HECW2: variants seen among roughly 807,000 people sequenced by gnomAD.
The protein encoded by HECW2 is E3 ubiquitin-protein ligase HECW2.
In HECW2, 61 loss-of-function variants were observed where a neutral mutation model predicts 175.2. The observed-to-expected ratio is 0.35, with a 90% confidence interval of 0.28 to 0.43. The LOEUF (loss-of-function observed/expected upper bound fraction) is 0.43. Ranked by LOEUF, HECW2 falls within the 20% of genes least tolerant of loss-of-function variation. The pLI is 1.00. For synonymous variants in HECW2, 671 were observed against 731.0 expected (o/e 0.92, Z 1.32); for missense variants, 1,524 against 2,000.5 (o/e 0.76, Z 4.54).
chr2:196,527,533 C>T (rs1052265865), intron 1 of HECW2, among the ~76,000 whole-genome samples: 1 of 152,210 alleles, frequency 6.6e-6, no homozygotes, highest in Non-Finnish European at 1.5e-5. Context: ...CCACTATGAA[C>T]AACATAAATG....
At chr2:196,236,894 T>C (rs1439844164) in intron 21 of HECW2, among the ~76,000 whole-genome samples, 1 of 152,240 alleles carries the variant, frequency 6.6e-6, no homozygotes, top group Admixed American at 6.5e-5. Flanking sequence ...GTGAAGTTAC[T>C]TTGTTCCCCC....
chr2:196,258,684 C>T (rs988356849), intron 17 of HECW2, among the ~76,000 whole-genome samples: 5 of 151,976 alleles, frequency 3.3e-5, no homozygotes, highest in African/African-American at 1.2e-4. Flanking sequence ...TTCCTAGTTG[C>T]TTTCTTCCCT....
At chr2:196,471,748 A>G (rs1387049652) in intron 1 of HECW2, among the ~76,000 whole-genome samples, 1 of 152,138 alleles carries the variant, frequency 6.6e-6, no homozygotes, top group Non-Finnish European at 1.5e-5. Flanking sequence ...TCTCACTTAC[A>G]AGTAGGGGCT....
chr2:196,205,618 T>C lies in HECW2; in HGVS notation c.4608-4230A>G, dbSNP rs543282079. On this transcript the variant is annotated intron_variant, in intron 28 of 28. Transcript: ENST00000644978. ...CCATCTAGCTCAATCTCAGGCTTAA[T>C]AGAAGAAGGCAAATACTCAAAAGGA... 6.6e-5 allele frequency among the ~76,000 whole-genome samples: 10 copies of C among 152,314 alleles called. No individual in the cohort carries two copies. In the East Asian group the frequency reaches 1.9e-3, roughly 29 times the overall value.
intron 2 of HECW2, among the ~76,000 whole-genome samples, chr2:196,398,160 A>T (rs147279607): frequency 1.3e-4 from 20 of 152,300 alleles, no homozygotes; most frequent in Middle Eastern, 3.4e-3. Flanking sequence ...CTGGGAAGTC[A>T]AAATGCATGC....
intron 28 of HECW2, among the ~76,000 whole-genome samples, chr2:196,203,264 G>A (rs1042213259): frequency 6.6e-6 from 1 of 152,076 alleles, no homozygotes; most frequent in Non-Finnish European, 1.5e-5. Context: ...GATACAATAA[G>A]CATTTCAGAA....
chr2:196,554,293 TC>T (rs1051096287), intron 1 of HECW2, among the ~76,000 whole-genome samples: 2 of 150,690 alleles, frequency 1.3e-5, no homozygotes, highest in Non-Finnish European at 3.0e-5. Context: ...GCCACAGCAC[TC>T]CCGCCTGGGC....
intron 2 of HECW2, among the ~76,000 whole-genome samples, chr2:196,416,350 G>C (rs1190197684): frequency 6.6e-6 from 1 of 151,560 alleles, no homozygotes; most frequent in African/African-American, 2.4e-5. Flanking sequence ...AGAGATAACA[G>C]AAAAAAAAGT....
intron 21 of HECW2, among the ~76,000 whole-genome samples, chr2:196,228,677 C>T (rs761122060): frequency 7.2e-5 from 11 of 152,180 alleles, no homozygotes; most frequent in African/African-American, 2.4e-4. Context: ...CATATGCTCA[C>T]AGGACATGGA....
At chr2:196,248,325 G>A (rs2105900275) in intron 19 of HECW2, among the ~76,000 whole-genome samples, 1 of 152,246 alleles carries the variant, frequency 6.6e-6, no homozygotes, top group East Asian at 1.9e-4. Flanking sequence ...TGAGGACAAG[G>A]GAGACTAACA....
chr2:196,482,768 TTCA>T (rs1686885200), intron 1 of HECW2, among the ~76,000 whole-genome samples: 1 of 152,116 alleles, frequency 6.6e-6, no homozygotes, highest in Admixed American at 6.5e-5. Flanking sequence ...AAATCACAAA[TTCA>T]AGAATAAAAT....
intron 26 of HECW2, among the ~76,000 whole-genome samples, chr2:196,219,106 G>C (rs1458266591): frequency 6.6e-6 from 1 of 152,126 alleles, no homozygotes; most frequent in Admixed American, 6.5e-5. Context: ...CTAGAGAACT[G>C]TTCAGCTCTC....
intron 19 of HECW2, among the ~76,000 whole-genome samples, chr2:196,242,981 C>T (rs968815153): frequency 3.3e-5 from 5 of 151,982 alleles, no homozygotes; most frequent in Non-Finnish European, 7.4e-5. Flanking sequence ...GTGTGAGCCA[C>T]CGCACCTGGC....
At chr2:196,414,151 C>T (rs901927372) in intron 2 of HECW2, among the ~76,000 whole-genome samples, 12 of 152,180 alleles carry the variant, frequency 7.9e-5, no homozygotes, top group African/African-American at 2.4e-4. Context: ...CCTCACGCCA[C>T]GTGAATATTT....
chr2:196,340,444 A>C (rs1354499448), intron 3 of HECW2, among the ~76,000 whole-genome samples: 1 of 151,964 alleles, frequency 6.6e-6, no homozygotes, highest in Non-Finnish European at 1.5e-5. Context: ...TAAAAATACA[A>C]AAATTAGCCG....
chr2:196,375,007 C>CA (rs1694010413), intron 2 of HECW2, among the ~76,000 whole-genome samples: 3 of 151,422 alleles, frequency 2.0e-5, no homozygotes, highest in African/African-American at 7.3e-5. Context: ...CTAAAAAATA[C>CA]AAAAATTAGC....
intron 1 of HECW2, among the ~76,000 whole-genome samples, chr2:196,542,613 T>G (rs1689263891): frequency 6.6e-6 from 1 of 151,976 alleles, no homozygotes; most frequent in Non-Finnish European, 1.5e-5. Flanking sequence ...CAGCCACCCA[T>G]TCCTCTCCCC....
intron 19 of HECW2, among the ~76,000 whole-genome samples, chr2:196,251,028 T>A (rs1300984759): frequency 6.6e-6 from 1 of 152,182 alleles, no homozygotes; most frequent in Non-Finnish European, 1.5e-5. Context: ...TTTTCAGATC[T>A]CATCCTTCTT....
intron 2 of HECW2, among the ~76,000 whole-genome samples, chr2:196,382,120 T>C (rs980885681): frequency 6.6e-6 from 1 of 152,090 alleles, no homozygotes; most frequent in Non-Finnish European, 1.5e-5. Context: ...TATATTTTGC[T>C]ATTTTTTATA....
Sources: gnomAD v4.1 joint callset for allele counts (sites outside exome capture counted in the v4.1 genomes callset) on GRCh38, gnomAD v4.1.1 for gene constraint, MANE v1.5 for transcripts, NCBI Gene and HGNC (gene_info 2026-07-23, HGNC 2026-07-21) for gene names.